TUSC3: variants seen among roughly 807,000 people sequenced by gnomAD.
The protein encoded by TUSC3 is dolichyl-diphosphooligosaccharide--protein glycosyltransferase subunit TUSC3.
A neutral mutation model predicts 44.8 loss-of-function variants in TUSC3; 45 were observed. That is an observed-to-expected ratio of 1.00 (90% CI 0.79 to 1.29). The LOEUF (loss-of-function observed/expected upper bound fraction) is 1.29, where lower values mean the gene tolerates loss of function less well. TUSC3 is among the 50% of genes most tolerant of loss of function. The pLI is 0.00. For synonymous variants in TUSC3, 212 were observed against 152.9 expected (o/e 1.39, Z -2.85); for missense variants, 519 against 437.9 (o/e 1.19, Z -1.65).
chr8:15,781,809 T>G, the TUSC3 span, among the ~76,000 whole-genome samples: 1 of 152,126 alleles, frequency 6.6e-6, no homozygotes, highest in Non-Finnish European at 1.5e-5. Flanking sequence ...AGAATCACTC[T>G]GATACCAAAG....
At chr8:15,770,636 A>C (rs975582510), downstream of TUSC3, among the ~76,000 whole-genome samples, 9 of 152,314 alleles carry the variant, frequency 5.9e-5, no homozygotes, top group South Asian at 2.1e-4. Context: ...AAATTATAAT[A>C]ATATAGTAAT....
chr8:15,431,343 G>A (rs1282840555), intron 1 of TUSC3, among the ~76,000 whole-genome samples: 1 of 151,510 alleles, frequency 6.6e-6, no homozygotes, highest in Non-Finnish European at 1.5e-5. Context: ...ATCTATTTGT[G>A]TCTTCAATTT....
At chr8:15,692,996 C>A (rs1808987164) in intron 6 of TUSC3, among the ~76,000 whole-genome samples, 1 of 152,094 alleles carries the variant, frequency 6.6e-6, no homozygotes, top group African/African-American at 2.4e-5. Flanking sequence ...CTTCTGTTTT[C>A]CATTTGCTTG....
intron 2 of TUSC3, among the ~76,000 whole-genome samples, chr8:15,519,316 A>G (rs1253564129): frequency 6.6e-6 from 1 of 152,210 alleles, no homozygotes; most frequent in East Asian, 1.9e-4. Flanking sequence ...TCCCAGAAGT[A>G]TATTTCATAT....
intron 1 of TUSC3, among the ~76,000 whole-genome samples, chr8:15,568,925 C>A (rs1277645519): frequency 1.3e-5 from 2 of 151,144 alleles, no homozygotes; most frequent in African/African-American, 4.9e-5. Context: ...TCATGGTTTT[C>A]TGGCAAGGCA....
intron 5 of TUSC3, among the ~76,000 whole-genome samples, chr8:15,662,553 A>G (rs1482489375): frequency 6.6e-6 from 1 of 152,022 alleles, no homozygotes; most frequent in East Asian, 1.9e-4. Context: ...GAATACATCT[A>G]GAAATATGGT....
At chr8:15,549,990 C>CG (rs1802004054) in intron 1 of TUSC3, among the ~76,000 whole-genome samples, 1 of 151,706 alleles carries the variant, frequency 6.6e-6, no homozygotes, top group African/African-American at 2.4e-5. Flanking sequence ...GCTTACAACT[C>CG]TAAGGGGATC....
intron 7 of TUSC3, among the ~76,000 whole-genome samples, chr8:15,736,437 A>G (rs1475650497): frequency 6.6e-6 from 1 of 152,222 alleles, no homozygotes; most frequent in Admixed American, 6.5e-5. Context: ...AACTCTTTAT[A>G]TAATTTCCCA....
chr8:15,661,610 T>C (rs1164659666), intron 4 of TUSC3, among the ~76,000 whole-genome samples: 5 of 152,040 alleles, frequency 3.3e-5, no homozygotes. Context: ...TTCCCATTTT[T>C]TCATGGTATA....
intron 1 of TUSC3, among the ~76,000 whole-genome samples, chr8:15,618,605 G>C (rs73524594): frequency 6.6e-6 from 1 of 152,106 alleles, no homozygotes; most frequent in African/African-American, 2.4e-5. Context: ...TGGACACCTC[G>C]TAAAGGACCT....
At chr8:15,839,998 C>A in the TUSC3 span, among the ~76,000 whole-genome samples, 4 of 152,118 alleles carry the variant, frequency 2.6e-5, no homozygotes, top group African/African-American at 9.7e-5. Flanking sequence ...CAATGATAGA[C>A]TGGATTAAGA....
In TUSC3 at chr8:15,423,730, G is replaced by C. The variant is rs1024499127; in HGVS notation, n.91+6425G>C. Among the ~76,000 whole-genome samples, 5 of 152,102 alleles carry C rather than the reference G, an allele frequency of 3.3e-5. No individual in the cohort carries two copies. In the South Asian group the frequency reaches 1.0e-3, roughly 31 times the overall value. ...CTTTCTCCAAGTGAAGGACAAGTCA[G>C]AGGTTTACCTTTACTCTCATTCTGA... On this transcript the variant is annotated intron_variant and non_coding_transcript_variant, in intron 1 of 5. Transcript: ENST00000503191.
At chr8:15,670,199 A>G (rs149244783) in intron 5 of TUSC3, among the ~76,000 whole-genome samples, 40 of 152,018 alleles carry the variant, frequency 2.6e-4, no homozygotes, top group African/African-American at 8.9e-4. Context: ...GAATTTGTGC[A>G]GATTTTTTTC....
the TUSC3 span, among the ~76,000 whole-genome samples, chr8:15,830,721 C>A: frequency 6.6e-5 from 10 of 151,956 alleles, no homozygotes; most frequent in Non-Finnish European, 1.5e-4. Context: ...GTACACAAGA[C>A]ATACAGAGGG....
At chr8:15,535,036 G>T (rs895931399) in intron 2 of TUSC3, among the ~76,000 whole-genome samples, 2 of 152,184 alleles carry the variant, frequency 1.3e-5, no homozygotes, top group Non-Finnish European at 2.9e-5. Context: ...ATAGGAGTAT[G>T]GAGTCCTTCT....
intron 1 of TUSC3, among the ~76,000 whole-genome samples, chr8:15,581,609 T>A (rs1457612337): frequency 6.7e-6 from 1 of 149,574 alleles, no homozygotes; most frequent in Non-Finnish European, 1.5e-5. Context: ...TGCTGCGGGG[T>A]GCCTCCCAGT....
chr8:15,450,064 G>A (rs1800173547), intron 1 of TUSC3, among the ~76,000 whole-genome samples: 1 of 152,036 alleles, frequency 6.6e-6, no homozygotes, highest in Non-Finnish European at 1.5e-5. Flanking sequence ...GCCTAACAAT[G>A]CATTTCTCAG....
chr8:15,441,572 G>A (rs753910168), intron 1 of TUSC3, among the ~76,000 whole-genome samples: 1 of 152,172 alleles, frequency 6.6e-6, no homozygotes, highest in African/African-American at 2.4e-5. Flanking sequence ...TTGTTAGAAT[G>A]CATAATAGGC....
At chr8:15,842,284 G>T in the TUSC3 span, among the ~76,000 whole-genome samples, 1 of 152,112 alleles carries the variant, frequency 6.6e-6, no homozygotes, top group Non-Finnish European at 1.5e-5. Context: ...GTGAACCTGG[G>T]TTGACTGGTC....
Sources: gnomAD v4.1 joint callset for allele counts (sites outside exome capture counted in the v4.1 genomes callset) on GRCh38, gnomAD v4.1.1 for gene constraint, MANE v1.5 for transcripts, NCBI Gene and HGNC (gene_info 2026-07-23, HGNC 2026-07-21) for gene names.